The following PPP1R8 variants were observed in gnomAD, a reference collection of about 807,000 sequenced individuals.
PPP1R8 encodes protein phosphatase 1 regulatory subunit 8, also known as nuclear inhibitor of protein phosphatase 1.
Under a neutral mutation model 31.3 loss-of-function variants are expected in PPP1R8, and 4 were observed. The ratio of observed to expected loss-of-function variants is 0.13; its 90% confidence interval spans 0.06 to 0.29. The LOEUF (loss-of-function observed/expected upper bound fraction) is 0.29. PPP1R8 is among the 10% of genes least tolerant of loss of function. The pLI is 1.00. For missense variants in PPP1R8, 254 were observed against 440.1 expected, an observed-to-expected ratio of 0.58 and a Z score of 3.78; for synonymous variants, 170 against 169.7, an observed-to-expected ratio of 1.00 and a Z score of -0.01.
In PPP1R8 at chr1:27,851,360, AGCTC is replaced by A; in HGVS notation, c.*915_*918del. On this transcript the variant is annotated 3_prime_UTR_variant, in exon 7 of 7. Coordinates refer to ENST00000311772, the MANE Select transcript of PPP1R8 (RefSeq NM_014110.5). ...TCAATTGAGAGCTCTTGTTATTCAG[AGCTC>A]CAAGACTAGACCTGGCTAACAAACA... 1 of 329,904 alleles carries A rather than the reference AGCTC, an allele frequency of 3.0e-6. No individual in the cohort carries two copies. Among genetic ancestry groups the A allele is most frequent in the Non-Finnish European group, 6.1e-6 (1 of 164,792 alleles). 20.4% of individuals were successfully genotyped at this position (329,904 alleles called of 1,614,324 possible).
intron 1 of PPP1R8, 121 bp from the exon 2 acceptor site, chr1:27,832,635 C>A (rs909770705): frequency 2.8e-6 from 2 of 718,520 alleles, no homozygotes; most frequent in Non-Finnish European, 4.4e-6. Flanking sequence ...GATGACATTT[C>A]TGCTTGAACA....
In PPP1R8 at chr1:27,851,004, T is replaced by G. The variant is rs1557434547; in HGVS notation, c.*558T>G. 1 of 154,014 alleles carries G rather than the reference T, an allele frequency of 6.5e-6. No individual in the cohort carries two copies. Among genetic ancestry groups the G allele is most frequent in the Non-Finnish European group, 1.4e-5 (1 of 69,196 alleles). 9.5% of individuals were successfully genotyped at this position (154,014 alleles called of 1,614,324 possible). ...GTCCAGTAGCTAGGCTTTTCTCTTT[T>G]GTCCTTCCTGTTGGAATGAAAACAT... On this transcript the variant is annotated 3_prime_UTR_variant, in exon 7 of 7. Transcript: ENST00000311772.
At chr1:27,842,433 C>T (rs906441575) in intron 4 of PPP1R8, among the ~76,000 whole-genome samples, 4 of 152,108 alleles carry the variant, frequency 2.6e-5, no homozygotes, top group Non-Finnish European at 5.9e-5. Context: ...TGCTGTTGCC[C>T]ATTTCCCCTT....
At chr1:27,832,884 C>A in intron 2 of PPP1R8, 68 bp downstream of exon 2, 1 of 1,312,110 alleles carries the variant, frequency 7.6e-7, no homozygotes, top group Non-Finnish European at 1.1e-6. Flanking sequence ...CTCACTTTTC[C>A]ACCCCCTCTC....
At chr1:27,849,094 G>A (rs1270886238) in intron 6 of PPP1R8, among the ~76,000 whole-genome samples, 3 of 152,160 alleles carry the variant, frequency 2.0e-5, no homozygotes, top group Admixed American at 6.6e-5. Flanking sequence ...ACACCAGGTC[G>A]GGCGTGCTGG....
At chr1:27,846,279 C>A (rs1287644262) in intron 5 of PPP1R8, among the ~76,000 whole-genome samples, 1 of 152,238 alleles carries the variant, frequency 6.6e-6, no homozygotes, top group Non-Finnish European at 1.5e-5. Context: ...GAAAACTCCA[C>A]CATCCTTGGT....
At position 27,837,619 on chromosome 1, in the gene PPP1R8, CA is replaced by C. The variant is rs371719066; in HGVS notation, c.118-1074del. 2.8e-4 allele frequency among the ~76,000 whole-genome samples: 41 copies of C among 148,522 alleles called. No homozygotes were observed. The South Asian group carries it at 3.2e-3, about 12-fold the overall frequency. On this transcript the variant is annotated intron_variant, in intron 2 of 6. Transcript: ENST00000311772. ...CACGGTGAAACCCCTACTAAAAATA[CA>C]AAAAATTAGCTGGGCGTGGTGGCGG...
chr1:27,834,643 C>G, intron 2 of PPP1R8: 1 of 455,782 alleles, frequency 2.2e-6, no homozygotes, highest in African/African-American at 2.0e-5. Context: ...TTATTTCATT[C>G]ACTTGGACAG....
At chr1:27,840,845 A>G (rs542092401) in intron 3 of PPP1R8, among the ~76,000 whole-genome samples, 169 bp from the exon 4 acceptor site, 13 of 152,336 alleles carry the variant, frequency 8.5e-5, no homozygotes, top group African/African-American at 3.1e-4. Context: ...GTTTCTGACC[A>G]TGATCCTGAC....
chr1:27,832,719 C>G, intron 1 of PPP1R8, 37 bp from the exon 2 acceptor site: 2 of 1,551,104 alleles, frequency 1.3e-6, no homozygotes, highest in Non-Finnish European at 1.8e-6. Flanking sequence ...TTTATAAACC[C>G]ATCCTGAAAA....
At chr1:27,848,198 C>T (rs770028820) in intron 6 of PPP1R8, among the ~76,000 whole-genome samples, 2 of 151,916 alleles carry the variant, frequency 1.3e-5, no homozygotes, top group Admixed American at 6.6e-5. Flanking sequence ...GTCAGGAGAT[C>T]GAGACCATCC....
At chr1:27,841,945 A>G (rs543901251) in intron 4 of PPP1R8, among the ~76,000 whole-genome samples, 4 of 152,336 alleles carry the variant, frequency 2.6e-5, no homozygotes, top group South Asian at 4.1e-4. Context: ...GGTCTGTTCA[A>G]ATAGACCAAA....
At chr1:27,837,523 G>A (rs1228964236) in intron 2 of PPP1R8, among the ~76,000 whole-genome samples, 1 of 151,830 alleles carries the variant, frequency 6.6e-6, no homozygotes, top group African/African-American at 2.4e-5. Context: ...GCTCATGCTT[G>A]TAATCCCAGC....
chr1:27,838,989 A>AT, intron 3 of PPP1R8, 137 bp downstream of exon 3: 2 of 943,082 alleles, frequency 2.1e-6, no homozygotes, highest in Non-Finnish European at 3.0e-6. Flanking sequence ...TATTTCTGTG[A>AT]TTTTTCTATT....
intron 2 of PPP1R8, chr1:27,834,679 C>A: frequency 2.5e-6 from 1 of 392,248 alleles, no homozygotes. Flanking sequence ...CAACATCTAA[C>A]ACATTTCCTT....
chr1:27,845,609 G>A (rs2089270182), intron 5 of PPP1R8, among the ~76,000 whole-genome samples: 1 of 151,778 alleles, frequency 6.6e-6, no homozygotes, highest in Admixed American at 6.6e-5. Flanking sequence ...ATTGAGCATA[G>A]ATTGATGGTG....
In PPP1R8 at chr1:27,839,419, T is replaced by C. The variant is rs191251109; in HGVS notation, c.271+567T>C. 1.8e-4 allele frequency among the ~76,000 whole-genome samples: 27 copies of C among 152,192 alleles called. 1 individual carries two copies. Among genetic ancestry groups the C allele is most frequent in the Admixed American group, 1.4e-3 (22 of 15,292 alleles). On this transcript the variant is annotated intron_variant, in intron 3 of 6. Coordinates refer to ENST00000311772, the MANE Select transcript of PPP1R8 (RefSeq NM_014110.5). ...GGCGGGTGCCTGTAATTCCAGCTTC[T>C]TGGGAGGCTGAGGCAGGAGAACCGC...
At chr1:27,839,562 A>AC (rs1397634817) in intron 3 of PPP1R8, among the ~76,000 whole-genome samples, 1 of 152,154 alleles carries the variant, frequency 6.6e-6, no homozygotes, top group African/African-American at 2.4e-5. Flanking sequence ...GCACCCAGGA[A>AC]CTAGGGACCA....
chr1:27,840,908 C>A, intron 3 of PPP1R8, 106 bp from the exon 4 acceptor site: 1 of 1,145,850 alleles, frequency 8.7e-7, no homozygotes, highest in Non-Finnish European at 1.3e-6. Flanking sequence ...AACTGATGTG[C>A]TGGGGGGAAG....
Sources: allele counts gnomAD v4.1 joint callset (sites outside exome capture counted in the v4.1 genomes callset), GRCh38; gene constraint gnomAD v4.1.1; transcripts MANE v1.5; gene names NCBI Gene and HGNC (gene_info 2026-07-23, HGNC 2026-07-21).